AFTPH: variants seen among roughly 807,000 people sequenced by gnomAD.
AFTPH encodes aftiphilin.
A neutral mutation model predicts 72.5 loss-of-function variants in AFTPH; 7 were observed. The ratio of observed to expected loss-of-function variants is 0.10; its 90% confidence interval spans 0.05 to 0.18. The LOEUF (loss-of-function observed/expected upper bound fraction) is 0.18, where lower values mean the gene tolerates loss of function less well. AFTPH is among the 10% of genes least tolerant of loss of function. The pLI is 1.00. For synonymous variants in AFTPH, 337 were observed against 370.1 expected (o/e 0.91, Z 1.03); for missense variants, 979 against 1,060.5 (o/e 0.92, Z 1.07).
At chr2:64,561,977 A>C (rs1403349711) in intron 2 of AFTPH, among the ~76,000 whole-genome samples, 1 of 152,204 alleles carries the variant, frequency 6.6e-6, no homozygotes, top group African/African-American at 2.4e-5. Context: ...GTGGGGAAAA[A>C]CATGATTTAG....
chr2:64,585,905 C>T (rs967025564), intron 8 of AFTPH, among the ~76,000 whole-genome samples: 2 of 150,958 alleles, frequency 1.3e-5, no homozygotes, highest in African/African-American at 4.9e-5. Flanking sequence ...TCTTTGAGAA[C>T]CCAGTTTTGT....
chr2:64,536,566 T>TAA (rs142981388), intron 1 of AFTPH, among the ~76,000 whole-genome samples: 3 of 107,648 alleles, frequency 2.8e-5, no homozygotes, highest in Admixed American at 1.1e-4. Context: ...GACTCCATCT[T>TAA]AAAAAAAAAA....
intron 2 of AFTPH, among the ~76,000 whole-genome samples, chr2:64,554,306 C>T (rs927432564): frequency 2.0e-5 from 3 of 152,254 alleles, no homozygotes; most frequent in Middle Eastern, 3.4e-3. Context: ...GTCCAGAGTT[C>T]TACTCTGTGC....
intron 1 of AFTPH, among the ~76,000 whole-genome samples, chr2:64,547,749 A>G (rs1435959050): frequency 6.9e-6 from 1 of 144,936 alleles, no homozygotes; most frequent in East Asian, 2.0e-4. Context: ...TTCTTTTGAC[A>G]TGTCACTATC....
At chr2:64,554,340 C>T (rs1218015918) in intron 2 of AFTPH, among the ~76,000 whole-genome samples, 1 of 152,138 alleles carries the variant, frequency 6.6e-6, no homozygotes, top group Non-Finnish European at 1.5e-5. Flanking sequence ...TTTTCAACTC[C>T]AGGGGTGTGG....
intron 1 of AFTPH, among the ~76,000 whole-genome samples, chr2:64,543,867 A>G (rs1309735842): frequency 2.6e-5 from 4 of 152,104 alleles, no homozygotes; most frequent in Admixed American, 1.3e-4. Flanking sequence ...CTTCTTTTCC[A>G]TGACCATTTC....
At chr2:64,547,001 A>T (rs1670676659) in intron 1 of AFTPH, among the ~76,000 whole-genome samples, 1 of 152,110 alleles carries the variant, frequency 6.6e-6, no homozygotes, top group African/African-American at 2.4e-5. Flanking sequence ...GTGAGCCGAG[A>T]TCGTGCCACT....
At chr2:64,535,668 C>T (rs1669847009) in intron 1 of AFTPH, among the ~76,000 whole-genome samples, 1 of 152,222 alleles carries the variant, frequency 6.6e-6, no homozygotes, top group Non-Finnish European at 1.5e-5. Flanking sequence ...TAGGTGATCT[C>T]AGTTCTCCAG....
chr2:64,553,714 A>C lies in AFTPH; in HGVS notation c.1935+305A>C, dbSNP rs1412480697. On this transcript the variant is annotated intron_variant, in intron 2 of 8. Coordinates refer to ENST00000238856, the Ensembl canonical transcript of AFTPH. ...ATACCATATATGTTAAAAAAAAAAA[A>C]AAAAACCCACACTTATTACCTAATT... 8.6e-5 allele frequency among the ~76,000 whole-genome samples: 13 copies of C among 151,776 alleles called. No homozygotes were observed. In the East Asian group the frequency reaches 1.7e-3, roughly 20 times the overall value.
At chr2:64,578,257 C>T (rs545912801) in intron 6 of AFTPH, among the ~76,000 whole-genome samples, 3 of 152,060 alleles carry the variant, frequency 2.0e-5, no homozygotes, top group East Asian at 1.9e-4. Context: ...TACCTACCTA[C>T]GCAGAAAAAA....
exon 9 of AFTPH, chr2:64,592,195 T>A: frequency 1.7e-6 from 1 of 571,910 alleles, no homozygotes; most frequent in Non-Finnish European, 2.8e-6. Flanking sequence ...GTAATGTATA[T>A]TTATTTACAT....
chr2:64,569,308 A>G, intron 4 of AFTPH, 90 bp downstream of exon 4: 2 of 1,450,524 alleles, frequency 1.4e-6, no homozygotes, highest in Middle Eastern at 1.8e-4. Flanking sequence ...GTGGTAAGCT[A>G]GTTCCTCAGA....
intron 1 of AFTPH, among the ~76,000 whole-genome samples, chr2:64,542,789 A>C (rs1355961037): frequency 7.0e-6 from 1 of 142,306 alleles, no homozygotes; most frequent in Non-Finnish European, 1.6e-5. Context: ...ACCTTTTAAA[A>C]TATAGAGTCA....
intron 3 of AFTPH, 118 bp from the exon 4 acceptor site, chr2:64,568,974 T>G: frequency 9.2e-7 from 1 of 1,087,750 alleles, no homozygotes; most frequent in Non-Finnish European, 1.4e-6. Context: ...GTTATACACT[T>G]ACGTTGGACC....
intron 2 of AFTPH, among the ~76,000 whole-genome samples, chr2:64,566,418 A>G (rs1018030267): frequency 6.7e-6 from 1 of 149,764 alleles, no homozygotes; most frequent in African/African-American, 2.4e-5. Flanking sequence ...ATGTTATGAA[A>G]TTTTTTTTTT....
intron 2 of AFTPH, among the ~76,000 whole-genome samples, chr2:64,560,984 G>A (rs372238519): frequency 4.6e-5 from 7 of 152,348 alleles, no homozygotes; most frequent in East Asian, 3.9e-4. Context: ...TTCTGAGAGC[G>A]AAAGCTCCTG....
At chr2:64,550,627 G>T (rs1182383906) in intron 1 of AFTPH, among the ~76,000 whole-genome samples, 1 of 150,632 alleles carries the variant, frequency 6.6e-6, no homozygotes, top group Non-Finnish European at 1.5e-5. Flanking sequence ...CCTGATTGTA[G>T]TGATGGTCAC....
At chr2:64,551,684 A>G in exon 2 of AFTPH, 1 of 1,614,028 alleles carries the variant, frequency 6.2e-7, no homozygotes, top group Non-Finnish European at 8.5e-7. Context: ...CAATTCATGA[A>G]TTCTCAGAAA....
At chr2:64,569,496 T>C in intron 4 of AFTPH, 127 bp from the exon 5 acceptor site, 1 of 1,141,728 alleles carries the variant, frequency 8.8e-7, no homozygotes, top group Non-Finnish European at 1.3e-6. Flanking sequence ...ATGGGCAATT[T>C]TTAAGTTTCA....
Sources: allele counts gnomAD v4.1 joint callset (sites outside exome capture counted in the v4.1 genomes callset), GRCh38; gene constraint gnomAD v4.1.1; transcripts MANE v1.5; gene names NCBI Gene and HGNC (gene_info 2026-07-23, HGNC 2026-07-21).